Variants in BTBD7 observed in about 807,000 individuals in gnomAD.
The protein encoded by BTBD7 is BTB domain containing 7.
A neutral mutation model predicts 99.9 loss-of-function variants in BTBD7; 38 were observed. That is an observed-to-expected ratio of 0.38 (90% CI 0.29 to 0.50). The LOEUF (loss-of-function observed/expected upper bound fraction) is 0.50, where lower values mean the gene tolerates loss of function less well. Ranked by LOEUF, BTBD7 falls within the 20% of genes least tolerant of loss-of-function variation. BTBD7 has a pLI of 0.93. For missense variants in BTBD7, 1,170 were observed against 1,394.6 expected, an observed-to-expected ratio of 0.84 and a Z score of 2.57; for synonymous variants, 520 against 511.4, an observed-to-expected ratio of 1.02 and a Z score of -0.23.
chr14:93,277,775 C>T (rs1035387370), intron 3 of BTBD7, among the ~76,000 whole-genome samples: 43 of 152,244 alleles, frequency 2.8e-4, no homozygotes, highest in African/African-American at 9.6e-4. Context: ...AAAGCAAGCA[C>T]AGGATTTGCG....
intron 1 of BTBD7, among the ~76,000 whole-genome samples, chr14:93,330,338 C>G (rs1362188634): frequency 6.6e-6 from 1 of 152,116 alleles, no homozygotes; most frequent in African/African-American, 2.4e-5. Context: ...CCTTCTATTT[C>G]CCTCCCCCTA....
At chr14:93,289,014 T>G (rs1305059972) in intron 3 of BTBD7, among the ~76,000 whole-genome samples, 8 of 152,010 alleles carry the variant, frequency 5.3e-5, no homozygotes. Flanking sequence ...TTCAGAAAAT[T>G]TTAGAAAATC....
rs1040145261 is a variant in BTBD7 at position 93,328,548 on chromosome 14, G to A, written c.-107+4272C>T. Among the ~76,000 whole-genome samples, 6 of 143,636 alleles carry A rather than the reference G, an allele frequency of 4.2e-5. No individual in the cohort carries two copies. The South Asian group carries it at 6.8e-4, about 16-fold the overall frequency. The allele number at this position is 143,636 out of a possible 152,430, so 94.2% of individuals were successfully genotyped here. ...CAACAAATGGTAATGCAAAAACCAC[G>A]TATATGGTAATAGATATCCACACAT... On this transcript the variant is annotated intron_variant, in intron 1 of 10. Coordinates refer to ENST00000334746, the MANE Select transcript of BTBD7 (RefSeq NM_001002860.4).
At chr14:93,252,448 C>G (rs1369724630) in intron 7 of BTBD7, among the ~76,000 whole-genome samples, 1 of 151,854 alleles carries the variant, frequency 6.6e-6, no homozygotes, top group Non-Finnish European at 1.5e-5. Flanking sequence ...CTTGACCTCC[C>G]AGGCTCAAGC....
intron 3 of BTBD7, among the ~76,000 whole-genome samples, chr14:93,275,354 C>T (rs978416457): frequency 6.8e-6 from 1 of 146,642 alleles, no homozygotes; most frequent in Non-Finnish European, 1.5e-5. Context: ...CTTCTCTGAA[C>T]AGTGGGAAGA....
chr14:93,316,048 T>C (rs1390470649), intron 1 of BTBD7, among the ~76,000 whole-genome samples: 1 of 149,556 alleles, frequency 6.7e-6, no homozygotes, highest in Admixed American at 6.7e-5. Flanking sequence ...GCCTCCCGGG[T>C]TCAAGCAATT....
At chr14:93,278,115 T>C (rs543184581) in intron 3 of BTBD7, among the ~76,000 whole-genome samples, 7 of 152,258 alleles carry the variant, frequency 4.6e-5, no homozygotes, top group African/African-American at 1.7e-4. Flanking sequence ...GGTACAGCCA[T>C]GTAATTATGT....
intron 3 of BTBD7, among the ~76,000 whole-genome samples, chr14:93,270,987 C>T (rs2139720839): frequency 6.6e-6 from 1 of 152,290 alleles, no homozygotes; most frequent in African/African-American, 2.4e-5. Flanking sequence ...TACCTTCCCT[C>T]AAAAAATTGA....
chr14:93,306,689 C>T (rs1399548944), intron 1 of BTBD7, among the ~76,000 whole-genome samples: 1 of 152,042 alleles, frequency 6.6e-6, no homozygotes, highest in African/African-American at 2.4e-5. Flanking sequence ...GTGCTTATTT[C>T]TTGAGGCGCA....
chr14:93,317,418 A>G (rs751742449), intron 1 of BTBD7, among the ~76,000 whole-genome samples: 2 of 151,354 alleles, frequency 1.3e-5, no homozygotes, highest in African/African-American at 2.4e-5. Flanking sequence ...GCTGGAGTGC[A>G]GTGGTTAATC....
intron 1 of BTBD7, among the ~76,000 whole-genome samples, chr14:93,307,020 T>C (rs2053077883): frequency 2.0e-5 from 3 of 152,234 alleles, no homozygotes; most frequent in South Asian, 4.1e-4. Flanking sequence ...ATGTCTTCTA[T>C]GTAGTAATCA....
chr14:93,264,330 G>T (rs1386720773), intron 3 of BTBD7, among the ~76,000 whole-genome samples: 2 of 152,220 alleles, frequency 1.3e-5, no homozygotes, highest in Non-Finnish European at 2.9e-5. Flanking sequence ...AGGCAAAAAG[G>T]CTGCAGTGGT....
chr14:93,250,328 G>T (rs1177788167), intron 8 of BTBD7, among the ~76,000 whole-genome samples: 1 of 152,176 alleles, frequency 6.6e-6, no homozygotes, highest in African/African-American at 2.4e-5. Context: ...ATTTTGAACT[G>T]CATTAACTCA....
intron 1 of BTBD7, among the ~76,000 whole-genome samples, chr14:93,306,409 G>C (rs2053070659): frequency 1.4e-5 from 2 of 147,290 alleles, no homozygotes; most frequent in Admixed American, 6.8e-5. Context: ...TTCCAGACTA[G>C]CCTGGGCAAC....
intron 1 of BTBD7, among the ~76,000 whole-genome samples, chr14:93,328,861 G>A (rs2053365088): frequency 6.6e-6 from 1 of 152,096 alleles, no homozygotes; most frequent in Non-Finnish European, 1.5e-5. Flanking sequence ...AGGCTACTGT[G>A]AGCCATAATC....
intron 4 of BTBD7, 113 bp downstream of exon 4, chr14:93,263,672 C>A: frequency 9.6e-7 from 1 of 1,039,024 alleles, no homozygotes; most frequent in Non-Finnish European, 1.4e-6. Flanking sequence ...GTGGTTTGAT[C>A]ACAGCCTGTT....
intron 3 of BTBD7, among the ~76,000 whole-genome samples, chr14:93,281,715 T>C (rs1236652303): frequency 6.6e-6 from 1 of 152,220 alleles, no homozygotes; most frequent in African/African-American, 2.4e-5. Context: ...TATGCACATA[T>C]AAAGATTTGT....
intron 3 of BTBD7, among the ~76,000 whole-genome samples, chr14:93,273,639 G>A (rs2052623069): frequency 6.6e-6 from 1 of 152,176 alleles, no homozygotes; most frequent in Non-Finnish European, 1.5e-5. Flanking sequence ...TTTTGGGCTA[G>A]GAGAAGCAGC....
chr14:93,294,644 G>C lies in BTBD7; in HGVS notation c.376C>G (p.Arg126Gly). Residue 126 changes from arginine (R) to glycine (G), a missense_variant, in exon 3 of 11, where the codon CGG (arginine) becomes GGG (glycine). Physicochemically the swap from Arg to Gly is moderately radical, Grantham distance 125. Around this residue, in one of 4 missense-constraint regions of BTBD7, gnomAD observed 359 missense variants for 497.9 expected, o/e 0.72. Coordinates refer to ENST00000334746, the MANE Select transcript of BTBD7 (RefSeq NM_001002860.4). ...LQASLARPEA[R>G]TLQKDMADLY... Reference sequence around the variant, plus strand: ...TCAGCCATATCTTTCTGCAATGTCCGGGCTTCTGGTCTAGCCAAACTGGCT... The same window carrying C: ...TCAGCCATATCTTTCTGCAATGTCCCGGCTTCTGGTCTAGCCAAACTGGCT... The C allele has an allele frequency of 6.2e-7, 1 of 1,614,038 alleles. No individual in the cohort carries two copies. Among genetic ancestry groups the C allele is most frequent in the Middle Eastern group, 1.7e-4 (1 of 6,016 alleles).
Sources: allele counts gnomAD v4.1 joint callset (sites outside exome capture counted in the v4.1 genomes callset), GRCh38; gene constraint gnomAD v4.1.1; regional missense constraint gnomAD v4.1.1; transcripts MANE v1.5; gene names NCBI Gene and HGNC (gene_info 2026-07-23, HGNC 2026-07-21).